TMEM260: variants seen among roughly 807,000 people sequenced by gnomAD.
TMEM260 encodes transmembrane protein 260, also known as protein O-mannosyl-transferase TMEM260.
In TMEM260, 82 loss-of-function variants were observed where a neutral mutation model predicts 88.9. The ratio of observed to expected loss-of-function variants is 0.92; its 90% CI spans 0.77 to 1.11. The LOEUF (loss-of-function observed/expected upper bound fraction) is 1.11, where lower values mean the gene tolerates loss of function less well. Ranked by LOEUF, TMEM260 falls within the 50% of genes least tolerant of loss-of-function variation. TMEM260 has a pLI of 0.00. For missense variants in TMEM260, 902 were observed against 853.4 expected, an observed-to-expected ratio of 1.06 and a Z score of -0.71; for synonymous variants, 314 against 309.3, an observed-to-expected ratio of 1.02 and a Z score of -0.16.
intron 13 of TMEM260, among the ~76,000 whole-genome samples, chr14:56,634,520 T>G (rs1888875329): frequency 6.6e-6 from 1 of 152,196 alleles, no homozygotes; most frequent in Non-Finnish European, 1.5e-5. Context: ...TGTCAGATGA[T>G]AAAACAGTTA....
In TMEM260 at chr14:56,609,202, G is replaced by A. The variant is rs17776256; in HGVS notation, c.733G>A (p.Ala245Thr). 9.9e-6 allele frequency: 16 copies of A among 1,613,872 alleles called. 1 individual carries two copies. The highest frequency in any genetic ancestry group is 1.6e-4 in the Middle Eastern group (1 of 6,062). ...TCCCATCTCATCTTACCTTAATCACGCCCGGTGGACCTGGGGAGACCAGAC... is the reference window on the plus strand; with the variant it reads ...TCCCATCTCATCTTACCTTAATCACACCCGGTGGACCTGGGGAGACCAGAC... The part of the protein sequence containing the change: ...HLPISSYLNH[A>T]RWTWGDQTTL... The change falls in exon 6 of 16, where the codon GCC (alanine) becomes ACC (threonine). Residue 245 changes from alanine to threonine, a missense_variant. By Grantham distance (58) the Ala-to-Thr change is moderately conservative. Coordinates refer to ENST00000261556, the MANE Select transcript of TMEM260 (RefSeq NM_017799.4).
rs151005474 is a variant in TMEM260, at chr14:56,609,694, T to G, written c.816+409T>G. Reference sequence around the variant, plus strand: ...CCACTTCTTATTATTATTTATTTATTTTTTACATATTTCATGAACAGTTTT... The same window carrying G: ...CCACTTCTTATTATTATTTATTTATGTTTTACATATTTCATGAACAGTTTT... On this transcript the variant is annotated intron_variant, in intron 6 of 15. Transcript: ENST00000261556. Among the ~76,000 whole-genome samples the G allele has an allele frequency of 4.6e-3, 706 of 152,290 alleles. 5 individuals are homozygous for G. The highest frequency in any genetic ancestry group is 0.016 in the African/African-American group (673 of 41,552).
At chr14:56,622,590 G>T (rs1566558994) in intron 11 of TMEM260, among the ~76,000 whole-genome samples, 1 of 151,786 alleles carries the variant, frequency 6.6e-6, no homozygotes, top group Admixed American at 6.6e-5. Flanking sequence ...AAAATTTTGA[G>T]GGCTATGAAA....
rs566679575 is a variant in TMEM260 at position 56,588,893 on chromosome 14, A to C, written c.344+2981A>C. ...GGGGTTTTCTTTTTTAAGGCTATTA[A>C]AGTAAATGATTTTTAGATTTAATAG... On this transcript the variant is annotated intron_variant, in intron 3 of 15. Transcript: ENST00000261556. 1.8e-4 allele frequency among the ~76,000 whole-genome samples: 28 copies of C among 152,102 alleles called. 1 individual carries two copies. In the South Asian group the frequency reaches 5.8e-3, roughly 32 times the overall value.
intron 3 of TMEM260, among the ~76,000 whole-genome samples, chr14:56,595,715 C>G (rs1886163269): frequency 6.6e-6 from 1 of 151,994 alleles, no homozygotes; most frequent in African/African-American, 2.4e-5. Flanking sequence ...TATGAACCCC[C>G]AAGCACAAGC....
At chr14:56,602,963 T>C (rs530346508) in intron 3 of TMEM260, among the ~76,000 whole-genome samples, 2 of 152,210 alleles carry the variant, frequency 1.3e-5, no homozygotes, top group African/African-American at 4.8e-5. Context: ...CTATTAGAAA[T>C]AGGCATTTCA....
the TMEM260 span, among the ~76,000 whole-genome samples, chr14:56,660,485 T>C: frequency 6.6e-6 from 1 of 152,240 alleles, no homozygotes; most frequent in Non-Finnish European, 1.5e-5. Context: ...GCTCTGAGCA[T>C]GTCAACGTCT....
chr14:56,585,873 G>A lies in TMEM260; in HGVS notation c.305G>A (p.Gly102Glu). The A allele has an allele frequency of 1.2e-6, 2 of 1,613,224 alleles. No individual in the cohort carries two copies. Among genetic ancestry groups the A allele is most frequent in the Non-Finnish European group, 1.7e-6 (2 of 1,179,598 alleles). ...YRVNLLCGLFGAVAASLLFFT... is the reference protein window; with the variant it reads ...YRVNLLCGLFEAVAASLLFFT... ...GTCAATCTTCTCTGTGGCTTATTTGGAGCAGTAGCTGCATCATTACTTTTT... is the reference window on the plus strand; with the variant it reads ...GTCAATCTTCTCTGTGGCTTATTTGAAGCAGTAGCTGCATCATTACTTTTT... The change falls in exon 3 of 16, where the codon GGA (glycine) becomes GAA (glutamate). Residue 102 changes from glycine (G) to glutamate (E), a missense_variant. Coordinates refer to ENST00000261556, the MANE Select transcript of TMEM260 (RefSeq NM_017799.4).
intron 15 of TMEM260, 29 bp downstream of exon 15, chr14:56,636,627 G>C (rs1351848940): frequency 1.3e-6 from 2 of 1,568,512 alleles, no homozygotes; most frequent in Non-Finnish European, 1.8e-6. Context: ...TGTAGATATA[G>C]ATATATTTGG....
At chr14:56,656,768 C>T in the TMEM260 span, among the ~76,000 whole-genome samples, 18 of 151,974 alleles carry the variant, frequency 1.2e-4, 2 homozygotes, top group African/African-American at 3.4e-4. Flanking sequence ...AATATAAAAA[C>T]GTTATTTAAA....
chr14:56,582,764 C>G (rs1234217936), intron 1 of TMEM260, among the ~76,000 whole-genome samples: 1 of 152,060 alleles, frequency 6.6e-6, no homozygotes, highest in Admixed American at 6.6e-5. Context: ...TCGGGAAGCT[C>G]GAGGTTTTTT....
At chr14:56,628,377 T>G (rs1398856013) in intron 12 of TMEM260, among the ~76,000 whole-genome samples, 1 of 152,242 alleles carries the variant, frequency 6.6e-6, no homozygotes, top group African/African-American at 2.4e-5. Context: ...CTTTTACAAG[T>G]GTCTTTTGCA....
the TMEM260 span, among the ~76,000 whole-genome samples, chr14:56,662,758 A>G: frequency 2.0e-5 from 3 of 152,260 alleles, no homozygotes; most frequent in Non-Finnish European, 4.4e-5. Flanking sequence ...GCTCACATCC[A>G]GAACCCTCAG....
At chr14:56,643,439 G>A (rs1161807369) in intron 15 of TMEM260, among the ~76,000 whole-genome samples, 1 of 151,952 alleles carries the variant, frequency 6.6e-6, no homozygotes, top group Non-Finnish European at 1.5e-5. Flanking sequence ...TGCAGAAAAG[G>A]CCTTTGACAA....
At chr14:56,583,990 T>TTGTG (rs10594077) in intron 1 of TMEM260, among the ~76,000 whole-genome samples, 2,388 of 145,924 alleles carry the variant, frequency 0.016, 34 homozygotes, top group East Asian at 0.044. Flanking sequence ...ATCCAGCCTT[T>TTGTG]TGTGTGTGTG....
At chr14:56,618,499 C>CT in intron 9 of TMEM260, 95 bp from the exon 10 acceptor site, 1 of 1,128,022 alleles carries the variant, frequency 8.9e-7, no homozygotes, top group Non-Finnish European at 1.3e-6. Flanking sequence ...GCACACACAA[C>CT]TAGGTGCATG....
intron 12 of TMEM260, among the ~76,000 whole-genome samples, chr14:56,632,632 T>G (rs1048229339): frequency 2.0e-5 from 3 of 152,172 alleles, no homozygotes; most frequent in Admixed American, 2.0e-4. Flanking sequence ...TTTTCCCCCA[T>G]GAGATGGGGG....
At chr14:56,582,779 A>G (rs1004115935) in intron 1 of TMEM260, among the ~76,000 whole-genome samples, 2 of 152,154 alleles carry the variant, frequency 1.3e-5, no homozygotes, top group Non-Finnish European at 2.9e-5. Flanking sequence ...TTTTTTTACT[A>G]TTCCCTTCCT....
At chr14:56,645,745 T>C (rs1566582365) in intron 15 of TMEM260, among the ~76,000 whole-genome samples, 2 of 152,334 alleles carry the variant, frequency 1.3e-5, no homozygotes, top group African/African-American at 2.4e-5. Context: ...AGTTCCTGAA[T>C]GCCTGCTTTG....
Sources: gnomAD v4.1 joint callset for allele counts (sites outside exome capture counted in the v4.1 genomes callset) on GRCh38, gnomAD v4.1.1 for gene constraint, MANE v1.5 for transcripts, NCBI Gene and HGNC (gene_info 2026-07-23, HGNC 2026-07-21) for gene names.